The following CCDC141 variants were observed in gnomAD, a reference collection of about 807,000 sequenced individuals.
The protein encoded by CCDC141 is coiled-coil domain-containing protein 141.
CCDC141 carries 168 observed loss-of-function variants against 181.0 expected under a neutral mutation model. That is an observed-to-expected ratio of 0.93 (90% CI 0.82 to 1.05). The LOEUF (loss-of-function observed/expected upper bound fraction) is 1.05, where lower values mean the gene tolerates loss of function less well. CCDC141 is among the 50% of genes least tolerant of loss of function. The pLI, the probability that CCDC141 is intolerant of heterozygous loss-of-function variation, is 0.00. For missense variants in CCDC141, 1,902 were observed against 1,788.5 expected (o/e 1.06, Z -1.14); for synonymous variants, 666 against 642.3 (o/e 1.04, Z -0.56).
At chr2:178,994,042 T>C (rs1054076621) in intron 2 of CCDC141, among the ~76,000 whole-genome samples, 2 of 152,310 alleles carry the variant, frequency 1.3e-5, no homozygotes, top group Middle Eastern at 3.4e-3. Flanking sequence ...CTGGTTGGCA[T>C]TGATTGTCTG....
intron 1 of CCDC141, 93 bp from the exon 2 acceptor site, chr2:179,047,499 GT>G: frequency 1.8e-6 from 2 of 1,117,008 alleles, no homozygotes; most frequent in Non-Finnish European, 2.4e-6. Flanking sequence ...TAAATTTCCA[GT>G]TATACTGTAA....
chr2:178,862,373 C>T (rs1477534939), intron 17 of CCDC141, among the ~76,000 whole-genome samples: 1 of 152,114 alleles, frequency 6.6e-6, no homozygotes, highest in Non-Finnish European at 1.5e-5. Context: ...ATATGAGCCT[C>T]GAGTTACAAA....
intron 16 of CCDC141, among the ~76,000 whole-genome samples, chr2:178,866,488 A>T (rs897294480): frequency 6.6e-6 from 1 of 152,248 alleles, no homozygotes; most frequent in Non-Finnish European, 1.5e-5. Flanking sequence ...TAACAACAAC[A>T]GATAATTTGT....
At chr2:178,842,866 CA>C (rs1684783759) in intron 22 of CCDC141, among the ~76,000 whole-genome samples, 1 of 152,128 alleles carries the variant, frequency 6.6e-6, no homozygotes. Flanking sequence ...GAAAAGGGAA[CA>C]GAGAGGTGGT....
chr2:178,984,929 T>C (rs1472055421), intron 2 of CCDC141, among the ~76,000 whole-genome samples: 7 of 149,924 alleles, frequency 4.7e-5, no homozygotes, highest in African/African-American at 1.7e-4. Flanking sequence ...TCAACAAGGA[T>C]ACCCAGGAAT....
intron 11 of CCDC141, among the ~76,000 whole-genome samples, chr2:178,884,166 G>A (rs78786562): frequency 0.014 from 2,060 of 150,564 alleles, 41 homozygotes; most frequent in African/African-American, 0.047. Context: ...GTATCCACAT[G>A]CACAAATTTG....
chr2:178,857,018 A>G (rs113918252), intron 17 of CCDC141, among the ~76,000 whole-genome samples: 1,877 of 152,376 alleles, frequency 0.012, 30 homozygotes, highest in African/African-American at 0.037. Context: ...GATTATAGCT[A>G]TAGAATATTC....
chr2:178,823,263 A>C, the CCDC141 span, among the ~76,000 whole-genome samples: 3 of 152,168 alleles, frequency 2.0e-5, no homozygotes, highest in Admixed American at 6.5e-5. Context: ...CTCTATCTGC[A>C]AAAGTTTGAA....
At chr2:178,821,953 C>G in the CCDC141 span, among the ~76,000 whole-genome samples, 21 of 152,172 alleles carry the variant, frequency 1.4e-4, no homozygotes, top group African/African-American at 4.8e-4. Flanking sequence ...AAGACACATG[C>G]ACACGTATGT....
downstream of CCDC141, among the ~76,000 whole-genome samples, chr2:178,825,108 A>T (rs554075967): frequency 6.6e-6 from 1 of 152,348 alleles, no homozygotes; most frequent in East Asian, 1.9e-4. Context: ...TTGCATTGAA[A>T]AGTTTCCAGT....
chr2:178,843,659 C>T (rs1054993577), intron 22 of CCDC141, among the ~76,000 whole-genome samples: 15 of 152,138 alleles, frequency 9.9e-5, no homozygotes, highest in Non-Finnish European at 1.5e-4. Context: ...CTATTCTTTC[C>T]AACTCAAATA....
chr2:178,880,483 C>T (rs1408070756), intron 11 of CCDC141, among the ~76,000 whole-genome samples: 2 of 152,088 alleles, frequency 1.3e-5, no homozygotes, highest in South Asian at 4.2e-4. Flanking sequence ...GAGATGATGA[C>T]AGCCTGAACC....
intron 2 of CCDC141, among the ~76,000 whole-genome samples, chr2:179,004,131 G>A (rs530284839): frequency 6.6e-6 from 1 of 152,046 alleles, no homozygotes; most frequent in Non-Finnish European, 1.5e-5. Context: ...TTGGTCTATT[G>A]GTTTCTGAAA....
chr2:179,037,091 T>G (rs1338069761), intron 2 of CCDC141, among the ~76,000 whole-genome samples: 1 of 152,166 alleles, frequency 6.6e-6, no homozygotes, highest in Non-Finnish European at 1.5e-5. Flanking sequence ...CTCTGGCCTG[T>G]GTCTGCCAAG....
chr2:178,993,833 G>T (rs1250462748), intron 2 of CCDC141, among the ~76,000 whole-genome samples: 4 of 152,138 alleles, frequency 2.6e-5, no homozygotes, highest in African/African-American at 9.7e-5. Context: ...AGGATAAATT[G>T]GCCAAAATAA....
the CCDC141 span, among the ~76,000 whole-genome samples, chr2:178,821,107 T>C: frequency 7.2e-6 from 1 of 139,718 alleles, no homozygotes; most frequent in Non-Finnish European, 1.5e-5. Context: ...CAACTAGCTA[T>C]ATTCCCAGTT....
rs938880657 is a variant in CCDC141 at position 178,961,402 on chromosome 2, G to C, written c.608C>G (p.Pro203Arg). ...CTGAGTCAACTCAGGATTCACATTA[G>C]GTCCTTCACACTTGAATTTTTCTAT... The part of the protein sequence containing the change: ...DFIEKFKCEG[P>R]NVNPELTQGA... Residue 203 changes from proline (P) to arginine (R), a missense_variant, in exon 5 of 24, where the codon CCT (proline) becomes CGT (arginine). Pro to Arg is a moderately radical substitution (Grantham distance 103, BLOSUM62 -2). Coordinates refer to ENST00000443758, the MANE Select transcript of CCDC141 (RefSeq NM_173648.4). 3.2e-6 allele frequency: 5 copies of C among 1,550,316 alleles called. No individual in the cohort carries two copies. The highest frequency in any genetic ancestry group is 8.7e-7 in the Non-Finnish European group (1 of 1,146,946).
At chr2:178,904,634 C>G (rs375247138) in intron 8 of CCDC141, among the ~76,000 whole-genome samples, 1 of 152,034 alleles carries the variant, frequency 6.6e-6, no homozygotes. Flanking sequence ...TCATTTCTTC[C>G]GGGTCGATAT....
chr2:178,981,636 G>GTGTGTATATATA (rs1313433628), intron 2 of CCDC141, among the ~76,000 whole-genome samples: 10 of 62,396 alleles, frequency 1.6e-4, no homozygotes, highest in Admixed American at 2.0e-4. Context: ...GTGTGTGTGT[G>GTGTGTATATATA]TATATATATA....
Sources: gnomAD v4.1 joint callset for allele counts (sites outside exome capture counted in the v4.1 genomes callset) on GRCh38, gnomAD v4.1.1 for gene constraint, MANE v1.5 for transcripts, NCBI Gene and HGNC (gene_info 2026-07-23, HGNC 2026-07-21) for gene names.